MYT1L: variants seen among roughly 807,000 people sequenced by gnomAD.
MYT1L encodes the protein myelin transcription factor 1-like protein.
MYT1L carries 12 observed loss-of-function variants against 126.7 expected under a neutral mutation model. The observed-to-expected ratio is 0.09, with a 90% confidence interval of 0.06 to 0.15. The LOEUF (loss-of-function observed/expected upper bound fraction) is 0.15, where lower values mean the gene tolerates loss of function less well. MYT1L is among the 10% of genes least tolerant of loss of function. The probability of loss-of-function intolerance (pLI) is 1.00; values close to 1 mark genes in which losing one functional copy is unlikely to be tolerated. For missense variants in MYT1L, 979 were observed against 1,585.2 expected, an observed-to-expected ratio of 0.62 and a Z score of 6.49; for synonymous variants, 541 against 604.2, an observed-to-expected ratio of 0.90 and a Z score of 1.53.
intron 4 of MYT1L, among the ~76,000 whole-genome samples, chr2:2,009,055 T>C (rs113397836): frequency 4.6e-5 from 7 of 152,198 alleles, no homozygotes; most frequent in African/African-American, 1.7e-4. Context: ...TCTGTTTTTA[T>C]GCCAGTATCA....
intron 5 of MYT1L, among the ~76,000 whole-genome samples, chr2:1,982,010 A>G (rs1479123447): frequency 3.9e-5 from 6 of 152,206 alleles, no homozygotes. Flanking sequence ...TATACCTGGG[A>G]TATGAAACTC....
At chr2:2,102,993 T>A (rs535864177) in intron 3 of MYT1L, among the ~76,000 whole-genome samples, 1 of 151,782 alleles carries the variant, frequency 6.6e-6, no homozygotes, top group African/African-American at 2.4e-5. Context: ...TGCAGGGAAG[T>A]AGGAGACACA....
At chr2:2,231,545 T>A (rs1156790532) in intron 2 of MYT1L, among the ~76,000 whole-genome samples, 1 of 152,110 alleles carries the variant, frequency 6.6e-6, no homozygotes, top group Non-Finnish European at 1.5e-5. Context: ...CCTCCCAGGC[T>A]CAAGCAATCC....
At chr2:2,269,414 A>G (rs775988538) in intron 2 of MYT1L, among the ~76,000 whole-genome samples, 1 of 152,182 alleles carries the variant, frequency 6.6e-6, no homozygotes, top group East Asian at 1.9e-4. Context: ...GCTCTCTTAC[A>G]AAATGGGGGC....
chr2:1,819,003 C>G (rs2038120580), intron 21 of MYT1L, among the ~76,000 whole-genome samples: 1 of 152,098 alleles, frequency 6.6e-6, no homozygotes, highest in African/African-American at 2.4e-5. Context: ...GCCCCCAGCT[C>G]CCAGCTCCCA....
At chr2:1,836,524 A>G (rs1392084412) in intron 21 of MYT1L, among the ~76,000 whole-genome samples, 1 of 147,712 alleles carries the variant, frequency 6.8e-6, no homozygotes, top group Admixed American at 6.7e-5. Flanking sequence ...ATATTCCATC[A>G]GCCTGCGCTC....
At chr2:2,260,347 A>G (rs2094931107) in intron 2 of MYT1L, among the ~76,000 whole-genome samples, 1 of 152,236 alleles carries the variant, frequency 6.6e-6, no homozygotes, top group African/African-American at 2.4e-5. Flanking sequence ...GTAAAGGCAT[A>G]TACAGACTTC....
chr2:1,795,998 C>T (rs1182862422), intron 23 of MYT1L, among the ~76,000 whole-genome samples: 1 of 152,172 alleles, frequency 6.6e-6, no homozygotes, highest in African/African-American at 2.4e-5. Flanking sequence ...AAAGCTAAGA[C>T]TAAGCTAAGA....
chr2:2,020,188 G>T (rs938912565), intron 4 of MYT1L, among the ~76,000 whole-genome samples: 1 of 152,096 alleles, frequency 6.6e-6, no homozygotes, highest in Non-Finnish European at 1.5e-5. Context: ...ATTGGTGGGG[G>T]CTGTTATTCC....
chr2:2,272,658 T>C (rs2095285890), intron 2 of MYT1L, among the ~76,000 whole-genome samples: 1 of 152,188 alleles, frequency 6.6e-6, no homozygotes, highest in Admixed American at 6.5e-5. Flanking sequence ...AAGCCCATAT[T>C]CAACTACGAA....
intron 4 of MYT1L, among the ~76,000 whole-genome samples, chr2:2,051,061 G>A (rs1040842795): frequency 4.6e-5 from 7 of 152,072 alleles, no homozygotes; most frequent in Non-Finnish European, 5.9e-5. Context: ...TCTGTTCTAC[G>A]TTCCATCTGA....
chr2:2,069,589 T>G (rs1184899058), intron 3 of MYT1L, among the ~76,000 whole-genome samples: 1 of 152,164 alleles, frequency 6.6e-6, no homozygotes, highest in Non-Finnish European at 1.5e-5. Flanking sequence ...ATATACTCAA[T>G]AATGGGATTG....
chr2:2,059,066 G>A lies in MYT1L; in HGVS notation c.-303-4943C>T, dbSNP rs2070024823. Reference sequence around the variant, plus strand: ...GACAATTGGGTCATGTCTGCTGTTTGAGAGAAGGAAGAATTCACTCAGTCT... The same window carrying A: ...GACAATTGGGTCATGTCTGCTGTTTAAGAGAAGGAAGAATTCACTCAGTCT... On this transcript the variant is annotated intron_variant, in intron 3 of 24. Transcript: ENST00000647738. The surrounding 1 kb of genome is among the most constrained non-coding windows in gnomAD (Gnocchi z 4.7). Among the ~76,000 whole-genome samples the A allele has an allele frequency of 6.6e-6, 1 of 152,204 alleles. No individual in the cohort carries two copies. Among genetic ancestry groups the A allele is most frequent in the African/African-American group, 2.4e-5 (1 of 41,462 alleles).
chr2:1,991,245 C>A (rs2061432584), intron 5 of MYT1L, among the ~76,000 whole-genome samples: 1 of 152,164 alleles, frequency 6.6e-6, no homozygotes, highest in African/African-American at 2.4e-5. Flanking sequence ...CCTGTTGGAT[C>A]CCACCTACGC....
intron 21 of MYT1L, among the ~76,000 whole-genome samples, chr2:1,822,279 TG>T (rs2038651692): frequency 1.3e-5 from 2 of 151,896 alleles, no homozygotes; most frequent in South Asian, 4.2e-4. Flanking sequence ...AAGAGGAGAG[TG>T]GGTCATTTTA....
Position 1,886,333 on chromosome 2 carries a change from G to A in MYT1L, c.2711+206C>T, listed in dbSNP as rs2048167437. 4 of 418,140 alleles carry A rather than the reference G, an allele frequency of 9.6e-6. No homozygotes were observed. The South Asian group carries it at 3.0e-4, about 31-fold the overall frequency. 25.9% of individuals were successfully genotyped at this position (418,140 alleles called of 1,614,324 possible). ...AAGGATATGATATGAACAAGCTGGA[G>A]GTATGTCAGGGGAAAAGGCAGAATG... On this transcript the variant is annotated intron_variant, in intron 18 of 24. Coordinates refer to ENST00000647738, the MANE Select transcript of MYT1L (RefSeq NM_001303052.2).
intron 4 of MYT1L, among the ~76,000 whole-genome samples, chr2:2,024,990 C>T (rs1313031807): frequency 6.6e-6 from 1 of 152,276 alleles, no homozygotes; most frequent in Non-Finnish European, 1.5e-5. Flanking sequence ...TGTACTATCT[C>T]ACTGGGCTCC....
At chr2:1,849,278 C>A (rs1486070036) in intron 19 of MYT1L, among the ~76,000 whole-genome samples, 2 of 152,120 alleles carry the variant, frequency 1.3e-5, no homozygotes, top group Admixed American at 6.5e-5. Context: ...ACCAAGACAT[C>A]GCTTTTCTAA....
intron 1 of MYT1L, among the ~76,000 whole-genome samples, chr2:2,288,536 C>T (rs2095555248): frequency 6.6e-6 from 1 of 152,164 alleles, no homozygotes; most frequent in South Asian, 2.1e-4. Context: ...GATTTGGTCA[C>T]AGCATGAAAA....
Sources: gnomAD v4.1 joint callset for allele counts (sites outside exome capture counted in the v4.1 genomes callset) on GRCh38, gnomAD v4.1.1 for gene constraint, Gnocchi (gnomAD v3.1) non-coding constraint, MANE v1.5 for transcripts, NCBI Gene and HGNC (gene_info 2026-07-23, HGNC 2026-07-21) for gene names.